The following CALN1 variants were observed in gnomAD, a reference collection of about 807,000 sequenced individuals.
CALN1 encodes the protein calneuron 1.
CALN1 carries 17 observed loss-of-function variants against 30.6 expected under a neutral mutation model. That is an observed-to-expected ratio of 0.56 (90% CI 0.38 to 0.83). CALN1 has a LOEUF of 0.83. CALN1 is among the 40% of genes least tolerant of loss of function. CALN1 has a pLI of 0.00. For synonymous variants in CALN1, 156 were observed against 131.4 expected, an observed-to-expected ratio of 1.19 and a Z score of -1.28; for missense variants, 291 against 354.9, an observed-to-expected ratio of 0.82 and a Z score of 1.45.
Position 72,292,820 on chromosome 7 carries a change from C to CAAAAA in CALN1, c.120-14015_120-14011dup, listed in dbSNP as rs57352664. Among the ~76,000 whole-genome samples, 941 of 112,810 alleles carry CAAAAA rather than the reference C, an allele frequency of 8.3e-3. 23 individuals carry two copies. Among genetic ancestry groups the CAAAAA allele is most frequent in the African/African-American group, 0.032 (865 of 26,650 alleles). 74.0% of individuals were successfully genotyped at this position (112,810 alleles called of 152,430 possible). ...TGGGCAACAGAACAATACTCTGTCT[C>CAAAAA]AAAAAAAAAAAAAAGAATTTCAACA... On this transcript the variant is annotated intron_variant, in intron 2 of 6. Coordinates refer to ENST00000395275, the MANE Select transcript of CALN1 (RefSeq NM_031468.4).
intron 6 of CALN1, among the ~76,000 whole-genome samples, chr7:71,792,439 G>C (rs1786623188): frequency 6.6e-6 from 1 of 152,132 alleles, no homozygotes; most frequent in African/African-American, 2.4e-5. Flanking sequence ...TAAAGTATAT[G>C]TGGCTCAGCT....
intron 5 of CALN1, among the ~76,000 whole-genome samples, chr7:71,921,006 C>T (rs933554096): frequency 1.3e-5 from 2 of 152,128 alleles, no homozygotes; most frequent in African/African-American, 4.8e-5. Flanking sequence ...ACATATACAC[C>T]ATGGAATACT....
chr7:72,171,416 G>C (rs1426950219), intron 3 of CALN1, among the ~76,000 whole-genome samples: 1 of 152,050 alleles, frequency 6.6e-6, no homozygotes, highest in Non-Finnish European at 1.5e-5. Context: ...CTTGAGGCAG[G>C]AGTTTGAGAC....
chr7:72,089,513 A>G (rs745773769), intron 4 of CALN1, among the ~76,000 whole-genome samples: 2 of 152,154 alleles, frequency 1.3e-5, no homozygotes, highest in Non-Finnish European at 2.9e-5. Flanking sequence ...TGACAACATA[A>G]TCACACATAT....
intron 5 of CALN1, among the ~76,000 whole-genome samples, chr7:71,984,819 C>G (rs1410627442): frequency 2.0e-5 from 3 of 152,166 alleles, no homozygotes; most frequent in Non-Finnish European, 4.4e-5. Context: ...ATGACTCTGG[C>G]TAAGCTTATG....
intron 5 of CALN1, among the ~76,000 whole-genome samples, chr7:72,003,433 G>A (rs1399934314): frequency 6.6e-6 from 1 of 152,208 alleles, no homozygotes; most frequent in Non-Finnish European, 1.5e-5. Flanking sequence ...GTGAGCGGTG[G>A]TTAGGAACTG....
chr7:71,995,575 G>T (rs1398254508), intron 5 of CALN1, among the ~76,000 whole-genome samples: 1 of 152,046 alleles, frequency 6.6e-6, no homozygotes, highest in East Asian at 1.9e-4. Context: ...TTGAGAGGCC[G>T]AGGTGGGTGA....
chr7:72,126,780 C>T (rs1307266431), intron 3 of CALN1, among the ~76,000 whole-genome samples: 1 of 144,278 alleles, frequency 6.9e-6, no homozygotes, highest in East Asian at 2.3e-4. Context: ...GCTGCAAAGG[C>T]CATTATTTCA....
chr7:72,307,183 C>T lies in CALN1; in HGVS notation c.120-28373G>A, dbSNP rs73702904. On this transcript the variant is annotated intron_variant, in intron 2 of 6. Coordinates refer to ENST00000395275, the MANE Select transcript of CALN1 (RefSeq NM_031468.4). ...TTTAAGAGATTCAAGCAGAAAGGTACAGGACCTCTGGAGATTGGCTTCATT... is the reference window on the plus strand; with the variant it reads ...TTTAAGAGATTCAAGCAGAAAGGTATAGGACCTCTGGAGATTGGCTTCATT... Among the ~76,000 whole-genome samples the T allele has an allele frequency of 9.2e-4, 140 of 152,222 alleles. 1 individual carries two copies. Among genetic ancestry groups the T allele is most frequent in the African/African-American group, 3.3e-3 (139 of 41,532 alleles).
chr7:72,027,726 AAC>A (rs111705413), intron 4 of CALN1, among the ~76,000 whole-genome samples: 52,288 of 142,576 alleles, frequency 0.37, 10,759 homozygotes, highest in Non-Finnish European at 0.49. Context: ...CAAACAAACA[AAC>A]ACACACACAC....
In CALN1 at chr7:71,787,618, C is replaced by T. The variant is rs1043008881; in HGVS notation, c.*157G>A. 20 of 980,954 alleles carry T rather than the reference C, an allele frequency of 2.0e-5. No homozygotes were observed. The highest frequency in any genetic ancestry group is 2.9e-5 in the Non-Finnish European group (20 of 688,434). The allele number at this position is 980,954 out of a possible 1,614,324, so 60.8% of individuals were successfully genotyped here. A position where few individuals can be genotyped will look rare whatever the true frequency, so the allele number is the denominator to read the frequency against. On this transcript the variant is annotated 3_prime_UTR_variant, in exon 7 of 7. Coordinates refer to ENST00000395275, the MANE Select transcript of CALN1 (RefSeq NM_031468.4). ...AAGGAGATGAAGCTGAAGTGCAACC[C>T]CAGTTGCACTCAACCTTGGGTTCTT...
At chr7:71,925,880 GTC>G (rs34885230) in intron 5 of CALN1, among the ~76,000 whole-genome samples, 22,842 of 152,054 alleles carry the variant, frequency 0.15, 1,910 homozygotes, top group Middle Eastern at 0.23. Context: ...TTGAAACGGA[GTC>G]TCTCTCTGCG....
chr7:72,004,111 T>C (rs531459395), intron 5 of CALN1, among the ~76,000 whole-genome samples: 1 of 152,290 alleles, frequency 6.6e-6, no homozygotes, highest in African/African-American at 2.4e-5. Flanking sequence ...GTACAAGAAA[T>C]CACTTAACTG....
chr7:72,335,634 G>A (rs1414056011), intron 2 of CALN1, among the ~76,000 whole-genome samples: 1 of 152,238 alleles, frequency 6.6e-6, no homozygotes, highest in African/African-American at 2.4e-5. Flanking sequence ...TGGCGCCCCA[G>A]TCTTGGCACT....
chr7:71,875,373 A>G lies in CALN1; in HGVS notation c.502-64881T>C, dbSNP rs531553538. On this transcript the variant is annotated intron_variant, in intron 5 of 6. Coordinates refer to ENST00000395275, the MANE Select transcript of CALN1 (RefSeq NM_031468.4). ...AGTTTACAGGGAAACCTGGATTTCT[A>G]GGCAGGAACTGCAGTCCAGGAAAGC... Among the ~76,000 whole-genome samples, 6 of 152,264 alleles carry G rather than the reference A, an allele frequency of 3.9e-5. No homozygotes were observed. In the East Asian group the frequency reaches 9.7e-4, roughly 25 times the overall value.
chr7:72,394,742 G>A (rs1327999805), intron 2 of CALN1, among the ~76,000 whole-genome samples: 1 of 150,532 alleles, frequency 6.6e-6, no homozygotes, highest in African/African-American at 2.4e-5. Context: ...GCTCACTGCA[G>A]CCTTAAATTC....
In CALN1 at chr7:71,985,219, A is replaced by C. The variant is rs553795341; in HGVS notation, c.501+38438T>G. Among the ~76,000 whole-genome samples the C allele has an allele frequency of 2.6e-5, 4 of 152,330 alleles. No individual in the cohort carries two copies. In the South Asian group the frequency reaches 6.2e-4, roughly 24 times the overall value. ...CCTCTCTGAAGTGAAAAGCAGAGCA[A>C]ATCAAAACGACTATGAAATATCATT... On this transcript the variant is annotated intron_variant, in intron 5 of 6. Coordinates refer to ENST00000395275, the MANE Select transcript of CALN1 (RefSeq NM_031468.4).
the CALN1 span, among the ~76,000 whole-genome samples, chr7:72,498,942 G>A: frequency 1.8e-3 from 280 of 151,946 alleles, 1 homozygote; most frequent in African/African-American, 6.0e-3. Flanking sequence ...AGACTCATAC[G>A]CAAATAATTG....
intron 3 of CALN1, among the ~76,000 whole-genome samples, chr7:72,172,115 A>T (rs552006207): frequency 1.3e-5 from 2 of 152,352 alleles, no homozygotes; most frequent in South Asian, 4.1e-4. Flanking sequence ...GAACAGACCC[A>T]TGGGGTCCAG....
Sources: gnomAD v4.1 joint callset for allele counts (sites outside exome capture counted in the v4.1 genomes callset) on GRCh38, gnomAD v4.1.1 for gene constraint, MANE v1.5 for transcripts, NCBI Gene and HGNC (gene_info 2026-07-23, HGNC 2026-07-21) for gene names.